ATRNL1: variants seen among roughly 807,000 people sequenced by gnomAD.
The protein encoded by ATRNL1 is attractin-like protein 1.
Under a neutral mutation model 182.7 loss-of-function variants are expected in ATRNL1, and 95 were observed. That is an observed-to-expected ratio of 0.52 (90% CI 0.44 to 0.62). The LOEUF is 0.62. Ranked by LOEUF, ATRNL1 falls within the 20% of genes least tolerant of loss-of-function variation. The pLI, the probability that ATRNL1 is intolerant of heterozygous loss-of-function variation, is 0.00. For missense variants in ATRNL1, 1,471 were observed against 1,679.5 expected (o/e 0.88, Z 2.17); for synonymous variants, 576 against 568.3 (o/e 1.01, Z -0.19).
intron 27 of ATRNL1, among the ~76,000 whole-genome samples, chr10:115,796,409 A>G (rs1225788805): frequency 6.6e-6 from 1 of 152,108 alleles, no homozygotes; most frequent in Non-Finnish European, 1.5e-5. Flanking sequence ...TTGTTGAAAC[A>G]GGTAAGCAAA....
intron 21 of ATRNL1, among the ~76,000 whole-genome samples, chr10:115,433,736 GAA>G (rs1443177180): frequency 6.6e-6 from 1 of 151,836 alleles, no homozygotes; most frequent in African/African-American, 2.4e-5. Context: ...TAGCTAAAAG[GAA>G]AAAAATTGCT....
At chr10:115,745,404 G>A (rs1203427367) in intron 27 of ATRNL1, among the ~76,000 whole-genome samples, 1 of 152,048 alleles carries the variant, frequency 6.6e-6, no homozygotes, top group African/African-American at 2.4e-5. Flanking sequence ...TTCAGGACCT[G>A]GAGCTACTGT....
intron 28 of ATRNL1, among the ~76,000 whole-genome samples, chr10:115,859,686 T>A (rs1379641451): frequency 6.6e-6 from 1 of 152,144 alleles, no homozygotes; most frequent in Non-Finnish European, 1.5e-5. Context: ...AAACTCCATG[T>A]TATACTGATA....
At chr10:115,943,456 T>G (rs540370189) in intron 28 of ATRNL1, among the ~76,000 whole-genome samples, 1 of 152,206 alleles carries the variant, frequency 6.6e-6, no homozygotes, top group East Asian at 1.9e-4. Flanking sequence ...AATTGCAAAT[T>G]TAAACAACTG....
chr10:115,692,902 G>A (rs1198621273), intron 26 of ATRNL1, among the ~76,000 whole-genome samples: 3 of 152,032 alleles, frequency 2.0e-5, no homozygotes, highest in African/African-American at 7.2e-5. Context: ...ATGAGTAAAG[G>A]AGAGTCCTTG....
At chr10:115,190,796 A>G (rs1204379946) in intron 8 of ATRNL1, among the ~76,000 whole-genome samples, 3 of 152,034 alleles carry the variant, frequency 2.0e-5, no homozygotes. Context: ...AACTGTAGTC[A>G]CCCTATTTTG....
At chr10:115,927,891 T>C (rs10490986) in intron 28 of ATRNL1, among the ~76,000 whole-genome samples, 25,933 of 152,042 alleles carry the variant, frequency 0.17, 2,268 homozygotes, top group Non-Finnish European at 0.19. Context: ...GGAAGTAGTA[T>C]GGTTCAGGAA....
At chr10:115,129,612 G>T in intron 5 of ATRNL1, 77 bp downstream of exon 5, 1 of 1,266,108 alleles carries the variant, frequency 7.9e-7, no homozygotes, top group Non-Finnish European at 1.1e-6. Flanking sequence ...CCACACGTTT[G>T]TTTCGTTATA....
chr10:115,313,546 T>C (rs1854142047), intron 17 of ATRNL1, among the ~76,000 whole-genome samples: 1 of 152,166 alleles, frequency 6.6e-6, no homozygotes, highest in African/African-American at 2.4e-5. Context: ...CATTCGCCAG[T>C]GGCGTGTACT....
At chr10:115,759,454 A>G (rs1948676539) in intron 27 of ATRNL1, among the ~76,000 whole-genome samples, 1 of 152,126 alleles carries the variant, frequency 6.6e-6, no homozygotes, top group African/African-American at 2.4e-5. Flanking sequence ...ATAACCAAAA[A>G]TGTCTCCTAC....
chr10:115,708,237 T>C (rs1400826042), intron 26 of ATRNL1, among the ~76,000 whole-genome samples: 1 of 151,644 alleles, frequency 6.6e-6, no homozygotes. Context: ...TTACTTCACA[T>C]AGATCAGTGT....
chr10:115,563,591 G>GA (rs375554468), intron 26 of ATRNL1, among the ~76,000 whole-genome samples: 34 of 151,056 alleles, frequency 2.3e-4, no homozygotes, highest in Non-Finnish European at 2.2e-4. Context: ...CTAATTTAAG[G>GA]AAAAAAAAGC....
intron 27 of ATRNL1, among the ~76,000 whole-genome samples, chr10:115,817,322 G>A (rs1247972663): frequency 1.3e-5 from 2 of 151,944 alleles, no homozygotes; most frequent in African/African-American, 2.4e-5. Context: ...TTATTTATGA[G>A]GTCATAATAA....
intron 24 of ATRNL1, among the ~76,000 whole-genome samples, chr10:115,497,801 G>A (rs1041327382): frequency 1.3e-5 from 2 of 152,044 alleles, no homozygotes; most frequent in Non-Finnish European, 1.5e-5. Flanking sequence ...GTGATTAGGG[G>A]CATGTGCCAC....
intron 21 of ATRNL1, among the ~76,000 whole-genome samples, chr10:115,432,308 A>G (rs2134417143): frequency 6.6e-6 from 1 of 152,280 alleles, no homozygotes; most frequent in South Asian, 2.1e-4. Context: ...ACATATGGCT[A>G]GTGGTGACCT....
At chr10:115,133,035 G>T (rs191568361) in intron 5 of ATRNL1, among the ~76,000 whole-genome samples, 54 of 152,222 alleles carry the variant, frequency 3.5e-4, no homozygotes, top group Non-Finnish European at 6.5e-4. Flanking sequence ...GTATTGCCTA[G>T]GTTTTCTTCT....
chr10:115,357,404 G>T (rs887065760), intron 19 of ATRNL1, among the ~76,000 whole-genome samples: 1 of 151,926 alleles, frequency 6.6e-6, no homozygotes, highest in South Asian at 2.1e-4. Context: ...ACACACTTTT[G>T]CATTGCTCAA....
chr10:115,528,192 G>A (rs1851361224), intron 25 of ATRNL1, among the ~76,000 whole-genome samples: 1 of 143,910 alleles, frequency 6.9e-6, no homozygotes, highest in South Asian at 2.2e-4. Context: ...TTTGGGAAAA[G>A]TTTGAGCATT....
intron 28 of ATRNL1, among the ~76,000 whole-genome samples, chr10:115,859,767 G>A (rs1284402141): frequency 2.6e-5 from 4 of 152,174 alleles, no homozygotes; most frequent in African/African-American, 9.7e-5. Context: ...GCATTTTTGA[G>A]TATGGATGTC....
Sources: allele counts gnomAD v4.1 joint callset (sites outside exome capture counted in the v4.1 genomes callset), GRCh38; gene constraint gnomAD v4.1.1; transcripts MANE v1.5; gene names NCBI Gene and HGNC (gene_info 2026-07-23, HGNC 2026-07-21).